The following RGS7 variants were observed in gnomAD, a reference collection of about 807,000 sequenced individuals.
RGS7 encodes the protein regulator of G-protein signaling 7.
RGS7 carries 27 observed loss-of-function variants against 81.1 expected under a neutral mutation model. The ratio of observed to expected loss-of-function variants is 0.33; its 90% CI spans 0.25 to 0.46. The LOEUF is 0.46. RGS7 is among the 20% of genes least tolerant of loss of function. RGS7 has a pLI of 1.00. For missense variants in RGS7, 396 were observed against 607.4 expected (o/e 0.65, Z 3.66); for synonymous variants, 208 against 207.7 (o/e 1.00, Z -0.01).
At chr1:241,229,042 T>C (rs1242945324) in intron 2 of RGS7, among the ~76,000 whole-genome samples, 1 of 140,348 alleles carries the variant, frequency 7.1e-6, no homozygotes, top group African/African-American at 2.8e-5. Flanking sequence ...AGTCTAAAAT[T>C]AGATCAAAAT....
Position 241,311,906 on chromosome 1 carries a change from G to A in RGS7, c.78+43793C>T, listed in dbSNP as rs75233042. Among the ~76,000 whole-genome samples the A allele has an allele frequency of 5.8e-3, 876 of 152,260 alleles. 5 individuals are homozygous for A. The highest frequency in any genetic ancestry group is 0.019 in the African/African-American group (807 of 41,560). On this transcript the variant is annotated intron_variant, in intron 2 of 18. Transcript: ENST00000440928. ...TGCTACTTAAAAGGAGTATATACAC[G>A]GAAGAAACACCTCAGCGCAGCTCTG... is the stretch of plus-strand genomic sequence containing the variant.
chr1:241,355,599 C>T (rs975785476), intron 2 of RGS7, 100 bp downstream of exon 2: 34 of 1,031,500 alleles, frequency 3.3e-5, no homozygotes, highest in Admixed American at 1.7e-5. Flanking sequence ...CTGGGAAATC[C>T]ACAAGGCCAC....
intron 4 of RGS7, among the ~76,000 whole-genome samples, chr1:240,975,001 A>G (rs1417776258): frequency 6.6e-6 from 1 of 152,164 alleles, no homozygotes; most frequent in Non-Finnish European, 1.5e-5. Context: ...TGCAAAGCTC[A>G]TGACCCTCTT....
rs2069970834 is a variant in RGS7 at position 241,164,129 on chromosome 1, T to C, written c.79-65367A>G. On this transcript the variant is annotated intron_variant, in intron 2 of 18. Coordinates refer to ENST00000440928, the MANE Select transcript of RGS7 (RefSeq NM_001364886.1). The surrounding 1 kb of genome is among the most constrained non-coding windows in gnomAD (Gnocchi z 4.1). ...ATGCTTACTGGTTTATTATAAAGGA[T>C]ATTACAAAGGATACAGGTGAAGAGA... Among the ~76,000 whole-genome samples, 1 of 152,134 alleles carries C rather than the reference T, an allele frequency of 6.6e-6. No homozygotes were observed. The highest frequency in any genetic ancestry group is 6.5e-5 in the Admixed American group (1 of 15,276).
At chr1:241,294,597 G>C (rs1271515227) in intron 2 of RGS7, among the ~76,000 whole-genome samples, 18 of 152,148 alleles carry the variant, frequency 1.2e-4, no homozygotes, top group Admixed American at 1.1e-3. Flanking sequence ...TAATGTCCTA[G>C]ACCTTCACAT....
At chr1:240,791,339 A>G (rs1337594027) in intron 18 of RGS7, among the ~76,000 whole-genome samples, 2 of 152,214 alleles carry the variant, frequency 1.3e-5, no homozygotes, top group Non-Finnish European at 2.9e-5. Context: ...AGGGCAGGAG[A>G]TTTTGCCCAA....
intron 2 of RGS7, among the ~76,000 whole-genome samples, chr1:241,102,689 C>T (rs1186973302): frequency 1.3e-5 from 2 of 152,236 alleles, no homozygotes; most frequent in East Asian, 3.9e-4. Context: ...CTGTTGCCTC[C>T]TCTTTTTTAA....
chr1:240,902,091 T>C (rs535791282), intron 6 of RGS7, among the ~76,000 whole-genome samples: 2 of 152,344 alleles, frequency 1.3e-5, no homozygotes, highest in Non-Finnish European at 2.9e-5. Context: ...CACAAAATGG[T>C]TTCCATAAAT....
chr1:241,083,108 C>T (rs1229414418), intron 3 of RGS7, among the ~76,000 whole-genome samples: 1 of 151,314 alleles, frequency 6.6e-6, no homozygotes, highest in Non-Finnish European at 1.5e-5. Flanking sequence ...GCTTGTAATC[C>T]CAGCTATTTG....
chr1:241,300,660 CCACT>C (rs2079696862), intron 2 of RGS7, among the ~76,000 whole-genome samples: 1 of 152,166 alleles, frequency 6.6e-6, no homozygotes, highest in Non-Finnish European at 1.5e-5. Flanking sequence ...ATCTATTCAC[CCACT>C]AAAAGACATT....
intron 2 of RGS7, among the ~76,000 whole-genome samples, chr1:241,300,990 T>G (rs2079719899): frequency 6.6e-6 from 1 of 152,216 alleles, no homozygotes; most frequent in Non-Finnish European, 1.5e-5. Context: ...TTAGTTTAAT[T>G]TGTAATTCCC....
chr1:240,895,204 C>T (rs1194211384), intron 6 of RGS7, among the ~76,000 whole-genome samples: 1 of 152,186 alleles, frequency 6.6e-6, no homozygotes, highest in Admixed American at 6.5e-5. Context: ...AAGATGCCAG[C>T]ACGATGCTTC....
intron 2 of RGS7, among the ~76,000 whole-genome samples, chr1:241,255,650 G>T (rs900755367): frequency 1.1e-4 from 16 of 152,180 alleles, no homozygotes; most frequent in African/African-American, 3.6e-4. Context: ...TGAGAGATCT[G>T]CAATGTGCTT....
At chr1:241,313,992 A>G (rs571242822) in intron 2 of RGS7, among the ~76,000 whole-genome samples, 1 of 152,320 alleles carries the variant, frequency 6.6e-6, no homozygotes, top group African/African-American at 2.4e-5. Flanking sequence ...AAAAACTTGA[A>G]CAGATGAGGA....
intron 15 of RGS7, among the ~76,000 whole-genome samples, chr1:240,804,939 G>T (rs191718097): frequency 4.2e-4 from 64 of 152,288 alleles, no homozygotes; most frequent in Non-Finnish European, 7.6e-4. Context: ...AAGGATATTC[G>T]TGTATCTCAT....
At chr1:241,301,292 A>T (rs1380587681) in intron 2 of RGS7, among the ~76,000 whole-genome samples, 2 of 152,242 alleles carry the variant, frequency 1.3e-5, no homozygotes, top group Non-Finnish European at 2.9e-5. Flanking sequence ...TGGATAATTT[A>T]ATCAGCATTT....
intron 6 of RGS7, among the ~76,000 whole-genome samples, chr1:240,871,169 T>C (rs1339201525): frequency 6.6e-6 from 1 of 152,186 alleles, no homozygotes; most frequent in African/African-American, 2.4e-5. Flanking sequence ...TGTTTTTCAC[T>C]AAATATGCAT....
At chr1:240,801,540 G>A (rs1410724579) in intron 16 of RGS7, 32 bp from the exon 17 acceptor site, 37 of 1,416,940 alleles carry the variant, frequency 2.6e-5, no homozygotes, top group Non-Finnish European at 3.3e-5. Context: ...AGGATGAAGG[G>A]AAATAAGGGA....
At chr1:240,829,017 G>GAATC (rs1405212673) in intron 9 of RGS7, among the ~76,000 whole-genome samples, 2 of 152,106 alleles carry the variant, frequency 1.3e-5, no homozygotes, top group Non-Finnish European at 2.9e-5. Flanking sequence ...ACAGTAACGG[G>GAATC]AATCAGTTCA....
Sources: gnomAD v4.1 joint callset for allele counts (sites outside exome capture counted in the v4.1 genomes callset) on GRCh38, gnomAD v4.1.1 for gene constraint, Gnocchi (gnomAD v3.1) non-coding constraint, MANE v1.5 for transcripts, NCBI Gene and HGNC (gene_info 2026-07-23, HGNC 2026-07-21) for gene names.